Variants in FAM83H observed in about 807,000 individuals in gnomAD.
The protein encoded by FAM83H is scaffolding CK1 anchoring protein H, also known as protein FAM83H.
Under a neutral mutation model 30.2 loss-of-function variants are expected in FAM83H, and 24 were observed. The observed-to-expected ratio is 0.79, with a 90% CI of 0.57 to 1.12. The LOEUF (loss-of-function observed/expected upper bound fraction) is 1.12, where lower values mean the gene tolerates loss of function less well. Ranked by LOEUF, FAM83H falls within the 50% of genes most tolerant of loss-of-function variation. The probability of loss-of-function intolerance (pLI) is 0.00; values close to 1 mark genes in which losing one functional copy is unlikely to be tolerated. For synonymous variants in FAM83H, 1,013 were observed against 821.7 expected, an observed-to-expected ratio of 1.23 and a Z score of -3.98; for missense variants, 2,038 against 1,773.9, an observed-to-expected ratio of 1.15 and a Z score of -2.67.
chr8:143,729,462 G>A lies in FAM83H; in HGVS notation c.448-139C>T, dbSNP rs376084909. 2.1e-4 allele frequency: 187 copies of A among 911,892 alleles called. No individual in the cohort carries two copies. The East Asian group carries it at 3.2e-3, about 15-fold the overall frequency. The allele number at this position is 911,892 out of a possible 1,614,324, so 56.5% of individuals were successfully genotyped here. On this transcript the variant is annotated intron_variant, in intron 2 of 4. Transcript: ENST00000388913. ...AGCTAGTCCATCCTAGGGAGTTGGCGCCACATCTGGGAAGATGGGCAGGAA... is the reference window on the plus strand; with the variant it reads ...AGCTAGTCCATCCTAGGGAGTTGGCACCACATCTGGGAAGATGGGCAGGAA...
chr8:143,729,070 CCA>C lies in FAM83H; in HGVS notation c.632_633del (p.Val211GlyfsTer41), dbSNP rs1554623681. On this transcript the variant is annotated frameshift_variant, in exon 4 of 5. Transcript: ENST00000388913. LOFTEE classifies it high-confidence loss of function. ...GTGCGGCAGTAGTAGGTGGGGCCCG[CCA>C]CAGTCCGTACGCGCAGGAACTGGGG... The part of the protein sequence containing the change: ...QHVDFLRVRT[V>X]AGPTYYCRTG... The C allele has an allele frequency of 6.2e-7, 1 of 1,613,718 alleles. No individual in the cohort carries two copies. Among genetic ancestry groups the C allele is most frequent in the Admixed American group, 1.7e-5 (1 of 60,032 alleles).
At chr8:143,729,876 C>T (rs1331775338) in intron 2 of FAM83H, among the ~76,000 whole-genome samples, 1 of 152,220 alleles carries the variant, frequency 6.6e-6, no homozygotes, top group Admixed American at 6.5e-5. Flanking sequence ...ACAATGAACC[C>T]AGGCTGGTGG....
At position 143,727,710 on chromosome 8, in the gene FAM83H, GCCAAA is replaced by G; in HGVS notation, c.1746_1750del (p.Ala584LeufsTer119). 1 of 1,551,598 alleles carries G rather than the reference GCCAAA, an allele frequency of 6.4e-7. No homozygotes were observed. Among genetic ancestry groups the G allele is most frequent in the Non-Finnish European group, 8.6e-7 (1 of 1,156,954 alleles). ...GCCGTGGCAGCCGCTCAAGTAGGAG[GCCAAA>G]CGCCAGCGCCGCAGCCCTGCCCGCC... On this transcript the variant is annotated frameshift_variant, in exon 5 of 5. Transcript: ENST00000388913. LOFTEE classifies it low-confidence loss of function (END_TRUNC).
At position 143,727,648 on chromosome 8, in the gene FAM83H, C is replaced by T; in HGVS notation, c.1813G>A (p.Glu605Lys). 8 of 1,577,212 alleles carry T rather than the reference C, an allele frequency of 5.1e-6. No homozygotes were observed. Among genetic ancestry groups the T allele is most frequent in the Non-Finnish European group, 6.8e-6 (8 of 1,169,022 alleles). The change falls in exon 5 of 5, where the codon GAA becomes AAA. Residue 605 changes from glutamate to lysine, a missense_variant. Glu to Lys is a moderately conservative substitution (Grantham distance 56). Coordinates refer to ENST00000388913, the MANE Select transcript of FAM83H (RefSeq NM_198488.5). ...GGDDGLPAPM[E>K]AEAYEDDVLA... ...ACGTCGTCTTCGTAAGCCTCCGCTTCCATGGGCGCCGGTAGGCCGTCGTCG... is the reference window on the plus strand; with the variant it reads ...ACGTCGTCTTCGTAAGCCTCCGCTTTCATGGGCGCCGGTAGGCCGTCGTCG...
rs1233569319 is a variant in FAM83H at position 143,731,487 on chromosome 8, C to G, written c.-15-890G>C. On this transcript the variant is annotated intron_variant, in intron 1 of 4. Coordinates refer to ENST00000388913, the MANE Select transcript of FAM83H (RefSeq NM_198488.5). The stretch of plus-strand genomic sequence containing the variant: ...CACCTCCTCCCCATCCTCAGGGTTT[C>G]ACAATTGGGCTCCCACAGCCCATTC... 19 of 985,476 alleles carry G rather than the reference C, an allele frequency of 1.9e-5. No homozygotes were observed. The South Asian group carries it at 8.5e-4, about 44-fold the overall frequency. 61.0% of individuals were successfully genotyped at this position (985,476 alleles called of 1,614,324 possible). A position where few individuals can be genotyped will look rare whatever the true frequency, so the allele number is the denominator to read the frequency against.
At position 143,727,804 on chromosome 8, in the gene FAM83H, C is replaced by A; in HGVS notation, c.1657G>T (p.Ala553Ser). 7.5e-7 allele frequency: 1 copy of A among 1,339,700 alleles called. No individual in the cohort carries two copies. The highest frequency in any genetic ancestry group is 1.9e-5 in the South Asian group (1 of 53,120). 83.0% of individuals were successfully genotyped at this position (1,339,700 alleles called of 1,614,324 possible). A position where few individuals can be genotyped will look rare whatever the true frequency, so the allele number is the denominator to read the frequency against. Residue 553 changes from alanine (A) to serine (S), a missense_variant, in exon 5 of 5, where the codon GCG (alanine) becomes TCG (serine). Ala to Ser is a moderately conservative substitution (Grantham distance 99). Transcript: ENST00000388913. ...NLTQRFPCQAAARPGPDPAPE... is the reference protein window; with the variant it reads ...NLTQRFPCQASARPGPDPAPE... The stretch of plus-strand genomic sequence containing the variant: ...GCGGGGTCTGGGCCCGGCCTCGCCG[C>A]GGCCTGGCATGGGAAGCGCTGGGTC...
At position 143,726,067 on chromosome 8, in the gene FAM83H, C is replaced by T; in HGVS notation, c.3394G>A (p.Val1132Met). ...RMESMRKEKR[V>M]YSRFEVFCKK... ...CAGAAGACCTCGAAGCGGCTGTACA[C>T]GCGCTTCTCCTTGCGCATGCTCTCC... The change falls in exon 5 of 5, where the codon GTG becomes ATG. Residue 1132 changes from valine (V) to methionine (M), a missense_variant. Coordinates refer to ENST00000388913, the MANE Select transcript of FAM83H (RefSeq NM_198488.5). The T allele has an allele frequency of 6.2e-7, 1 of 1,612,208 alleles. No homozygotes were observed. The highest frequency in any genetic ancestry group is 8.5e-7 in the Non-Finnish European group (1 of 1,179,718).
rs782190697 is a variant in FAM83H, at chr8:143,729,272, C to G, written c.499G>C (p.Val167Leu). ...MFTDVDLLSE[V>L]LEAAARRVPV... ...ACCCGACGGGCCGCGGCCTCCAGCA[C>G]TTCGCTGAGCAGGTCCACATCAGTG... is the stretch of plus-strand genomic sequence containing the variant. Residue 167 changes from valine (V) to leucine (L), a missense_variant, in exon 3 of 5, where the codon GTG becomes CTG. By Grantham distance (32) the Val-to-Leu change is conservative. Coordinates refer to ENST00000388913, the MANE Select transcript of FAM83H (RefSeq NM_198488.5). 5 of 1,613,304 alleles carry G rather than the reference C, an allele frequency of 3.1e-6. No homozygotes were observed. The East Asian group carries it at 1.1e-4, about 36-fold the overall frequency.
chr8:143,733,645 C>T lies in FAM83H; in HGVS notation c.-16+46G>A, dbSNP rs2129717836. On this transcript the variant is annotated intron_variant, in intron 1 of 4. Coordinates refer to ENST00000388913, the MANE Select transcript of FAM83H (RefSeq NM_198488.5). The surrounding 1 kb of genome is among the most constrained non-coding windows in gnomAD (Gnocchi z 5.6). ...GGGACCGCGCCAAGGGGCGCCCGCCCCCCGCCTCGCCCCGCCCCGCTCGGG... is the reference window on the plus strand; with the variant it reads ...GGGACCGCGCCAAGGGGCGCCCGCCTCCCGCCTCGCCCCGCCCCGCTCGGG... 1 of 150,872 alleles carries T rather than the reference C, an allele frequency of 6.6e-6. No homozygotes were observed. Among genetic ancestry groups the T allele is most frequent in the South Asian group, 2.1e-4 (1 of 4,822 alleles). 9.3% of individuals were successfully genotyped at this position (150,872 alleles called of 1,614,324 possible).
In FAM83H at chr8:143,727,382, G is replaced by A; in HGVS notation, c.2079C>T (p.Ala693=). ...RSSLIFSTSQ[A]EGAAGAAAAT... is the part of the protein sequence containing the mutation. ...CCGCCGCAGCCCCGGCCGCGCCCTC[G>A]GCCTGTGACGTGCTGAAGATGAGCG... is the stretch of plus-strand genomic sequence containing the variant. Residue 693 remains alanine (A), a synonymous_variant, in exon 5 of 5, where the codon GCC becomes GCT. Transcript: ENST00000388913. 1.9e-6 allele frequency: 3 copies of A among 1,572,724 alleles called. No homozygotes were observed. The highest frequency in any genetic ancestry group is 1.3e-5 in the African/African-American group (1 of 74,634).
In FAM83H at chr8:143,727,886, G is replaced by A. The variant is rs1328038546; in HGVS notation, c.1575C>T (p.Pro525=). The change falls in exon 5 of 5, where the codon CCC becomes CCT. Residue 525 remains proline (P), a synonymous_variant. Coordinates refer to ENST00000388913, the MANE Select transcript of FAM83H (RefSeq NM_198488.5). ...ASREVRHGSD[P]AFAPGPRGLE... Reference sequence around the variant, plus strand: ...GGCCGCGGGGTCCGGGCGCGAAGGCGGGGTCCGAGCCGTGGCGCACCTCGC... The same window carrying A: ...GGCCGCGGGGTCCGGGCGCGAAGGCAGGGTCCGAGCCGTGGCGCACCTCGC... 48 of 1,394,370 alleles carry A rather than the reference G, an allele frequency of 3.4e-5. No individual in the cohort carries two copies. The highest frequency in any genetic ancestry group is 4.3e-5 in the Non-Finnish European group (47 of 1,084,530). 86.4% of individuals were successfully genotyped at this position (1,394,370 alleles called of 1,614,324 possible). A position where few individuals can be genotyped will look rare whatever the true frequency, so the allele number is the denominator to read the frequency against.
chr8:143,730,200 G>A lies in FAM83H; in HGVS notation c.383C>T (p.Pro128Leu), dbSNP rs1818465191. 3 of 1,610,472 alleles carry A rather than the reference G, an allele frequency of 1.9e-6. No individual in the cohort carries two copies. Among genetic ancestry groups the A allele is most frequent in the Non-Finnish European group, 1.7e-6 (2 of 1,177,656 alleles). ...GATACTGGGGCTGTCGGGGGGCGGT[G>A]GCTGCACCAAGGTGGTCACCTCGGT... ...QGTEVTTLVQPPPPDSPSIKD... is the reference protein window; with the variant it reads ...QGTEVTTLVQLPPPDSPSIKD... Residue 128 changes from proline (P) to leucine (L), a missense_variant, in exon 2 of 5, where the codon CCA becomes CTA. Transcript: ENST00000388913.
In FAM83H at chr8:143,728,016, C is replaced by T. The variant is rs1340186168; in HGVS notation, c.1445G>A (p.Gly482Asp). 7.5e-6 allele frequency: 12 copies of T among 1,601,206 alleles called. No individual in the cohort carries two copies. In the East Asian group the frequency reaches 1.6e-4, roughly 21 times the overall value. The change falls in exon 5 of 5, where the codon GGT becomes GAT. Residue 482 changes from glycine (G) to aspartate (D), a missense_variant. Gly to Asp is a moderately conservative substitution (Grantham distance 94, BLOSUM62 -1). Coordinates refer to ENST00000388913, the MANE Select transcript of FAM83H (RefSeq NM_198488.5). Reference sequence around the variant, plus strand: ...GGTGAAGTCATCCGGGTCCGCGAAACCCGCGCGGCCCCCGCGAAGCTTCTC... The same window carrying T: ...GGTGAAGTCATCCGGGTCCGCGAAATCCGCGCGGCCCCCGCGAAGCTTCTC... Reference protein sequence around the residue: ...LFEKLRGGRAGFADPDDFTLG... With the variant: ...LFEKLRGGRADFADPDDFTLG...
intron 2 of FAM83H, 56 bp downstream of exon 2, chr8:143,730,080 C>T (rs1354454098): frequency 3.5e-6 from 5 of 1,418,408 alleles, no homozygotes; most frequent in South Asian, 1.4e-5. Flanking sequence ...CTCCTCCACC[C>T]CCGTGCCTCT....
At position 143,728,509 on chromosome 8, in the gene FAM83H, T is replaced by A. The variant is rs781784189; in HGVS notation, c.952A>T (p.Thr318Ser). Residue 318 changes from threonine to serine, a missense_variant, in exon 5 of 5, where the codon ACC becomes TCC. Transcript: ENST00000388913. Reference protein sequence around the residue: ...LVGVPGVGAPTPFSFPKRAHL... With the variant: ...LVGVPGVGAPSPFSFPKRAHL... ...GCTCGTTTAGGGAAGGAGAAGGGGG[T>A]TGGCGCCCCGACCCCAGGGACGCCC... The A allele has an allele frequency of 1.8e-5, 28 of 1,556,922 alleles. No individual in the cohort carries two copies. The highest frequency in any genetic ancestry group is 2.3e-5 in the Non-Finnish European group (27 of 1,150,644).
chr8:143,726,257 G>T lies in FAM83H; in HGVS notation c.3204C>A (p.Ser1068Arg), dbSNP rs933542804. The change falls in exon 5 of 5, where the codon AGC (serine) becomes AGA (arginine). Residue 1068 changes from serine to arginine, a missense_variant. Physicochemically the swap from Ser to Arg is moderately radical, Grantham distance 110 (BLOSUM62 -1). Coordinates refer to ENST00000388913, the MANE Select transcript of FAM83H (RefSeq NM_198488.5). ...CAGCCGGTGGACGGCCTAGCTCGGG[G>T]CTGTTGTGGGTCGGGCCGGGGCTCG... Reference protein sequence around the residue: ...PAPSPGPTHNSPELGRPPAAG... With the variant: ...PAPSPGPTHNRPELGRPPAAG... The T allele has an allele frequency of 6.2e-7, 1 of 1,612,302 alleles. No homozygotes were observed. The highest frequency in any genetic ancestry group is 1.7e-5 in the Admixed American group (1 of 59,974).
At position 143,726,957 on chromosome 8, in the gene FAM83H, A is replaced by C; in HGVS notation, c.2504T>G (p.Phe835Cys). Residue 835 changes from phenylalanine (F) to cysteine (C), a missense_variant, in exon 5 of 5, where the codon TTC becomes TGC. Physicochemically the swap from Phe to Cys is radical, Grantham distance 205 (BLOSUM62 -2). Coordinates refer to ENST00000388913, the MANE Select transcript of FAM83H (RefSeq NM_198488.5). ...CGTTGAGTGGCTCTGGGCAGAGAGG[A>C]AGCGGGAAGGCAGGCGGTCGGAGCC... ...RSGSDRLPSR[F>C]LSAQSHSTSP... 6.2e-7 allele frequency: 1 copy of C among 1,609,436 alleles called. No individual in the cohort carries two copies. The highest frequency in any genetic ancestry group is 1.3e-5 in the African/African-American group (1 of 74,942).
At chr8:143,732,346 C>A (rs939167313) in intron 1 of FAM83H, 1 of 985,304 alleles carries the variant, frequency 1.0e-6, no homozygotes, top group African/African-American at 1.7e-5. Flanking sequence ...AGGGGCAGAT[C>A]GAGGCCAACC....
In FAM83H at chr8:143,725,656, G is replaced by A. The variant is rs782134144; in HGVS notation, c.*265C>T. On this transcript the variant is annotated 3_prime_UTR_variant, in exon 5 of 5. Transcript: ENST00000388913. ...GACGCTGCGCCACGCAAGGCTGACG[G>A]TGCAGAGATGAAGGTGCTGAGGGGA... The A allele has an allele frequency of 1.1e-4, 66 of 594,252 alleles. No homozygotes were observed. The highest frequency in any genetic ancestry group is 1.5e-4 in the Non-Finnish European group (50 of 335,032). The allele number at this position is 594,252 out of a possible 1,614,324, so 36.8% of individuals were successfully genotyped here. A position where few individuals can be genotyped will look rare whatever the true frequency, so the allele number is the denominator to read the frequency against.
Sources: gnomAD v4.1 joint callset for allele counts (sites outside exome capture counted in the v4.1 genomes callset) on GRCh38, gnomAD v4.1.1 for gene constraint, Gnocchi (gnomAD v3.1) non-coding constraint, MANE v1.5 for transcripts, NCBI Gene and HGNC (gene_info 2026-07-23, HGNC 2026-07-21) for gene names.